Variants in CALR3 observed in about 807,000 individuals in gnomAD.
CALR3 encodes the protein calreticulin-3.
CALR3 carries 39 observed loss-of-function variants against 48.7 expected under a neutral mutation model. The observed-to-expected ratio is 0.80, with a 90% CI of 0.62 to 1.05. CALR3 has a LOEUF of 1.05. CALR3 is among the 50% of genes least tolerant of loss of function. The pLI is 0.00. For missense variants in CALR3, 449 were observed against 474.7 expected, an observed-to-expected ratio of 0.95 and a Z score of 0.50; for synonymous variants, 185 against 172.7, an observed-to-expected ratio of 1.07 and a Z score of -0.56.
At chr19:16,490,018 C>T (rs1329783804) in intron 3 of CALR3, among the ~76,000 whole-genome samples, 1 of 152,076 alleles carries the variant, frequency 6.6e-6, no homozygotes, top group Non-Finnish European at 1.5e-5. Flanking sequence ...GTTGTTCAAC[C>T]AGTAAGGATA....
intron 1 of CALR3, 86 bp downstream of exon 1, chr19:16,495,953 G>A: frequency 1.9e-6 from 3 of 1,559,952 alleles, no homozygotes; most frequent in Non-Finnish European, 2.6e-6. Flanking sequence ...GTTCGCTGCC[G>A]TGGACCCCGT....
chr19:16,495,939 G>A, intron 1 of CALR3, 87 bp from the exon 2 acceptor site: 1 of 1,564,450 alleles, frequency 6.4e-7, no homozygotes, highest in Non-Finnish European at 8.8e-7. Flanking sequence ...TCGAGGATTC[G>A]AGGGTTCGCT....
At position 16,495,864 on chromosome 19, in the gene CALR3, G is replaced by C. The variant is rs2093407274; in HGVS notation, c.92-12C>G. 1.2e-6 allele frequency: 2 copies of C among 1,609,560 alleles called. No individual in the cohort carries two copies. Among genetic ancestry groups the C allele is most frequent in the Non-Finnish European group, 8.5e-7 (1 of 1,175,954 alleles). On this transcript the variant is annotated splice_polypyrimidine_tract_variant and intron_variant, in intron 1 of 8. Transcript: ENST00000269881. Reference sequence around the variant, plus strand: ...GTTTCTCCAATGCTCTGTGGGGAAGGGGAAATAACACCGGTTAGAGGTGAT... The same window carrying C: ...GTTTCTCCAATGCTCTGTGGGGAAGCGGAAATAACACCGGTTAGAGGTGAT...
intron 3 of CALR3, among the ~76,000 whole-genome samples, chr19:16,490,080 G>C (rs2093395427): frequency 6.6e-6 from 1 of 152,054 alleles, no homozygotes; most frequent in South Asian, 2.1e-4. Context: ...AAACACTCTG[G>C]TCCCAAACAT....
At position 16,496,078 on chromosome 19, in the gene CALR3, G is replaced by C; in HGVS notation, c.52C>G (p.Leu18Val). 2.5e-6 allele frequency: 4 copies of C among 1,607,052 alleles called. No homozygotes were observed. Among genetic ancestry groups the C allele is most frequent in the East Asian group, 2.2e-5 (1 of 44,668 alleles). ...TCCTCTTGGAAATAGACGGTAGCCA[G>C]CGCCACTCGCAGCATGCATATGGCC... The part of the protein sequence containing the change: ...LWAICMLRVA[L>V]ATVYFQEEFL... The change falls in exon 1 of 9, where the codon CTG becomes GTG. Residue 18 changes from leucine (L) to valine (V), a missense_variant. By Grantham distance (32) the Leu-to-Val change is conservative (BLOSUM62 1). Transcript: ENST00000269881.
At chr19:16,492,185 G>A (rs1275273636) in intron 2 of CALR3, among the ~76,000 whole-genome samples, 1 of 152,144 alleles carries the variant, frequency 6.6e-6, no homozygotes, top group Non-Finnish European at 1.5e-5. Context: ...GGCCAGGCAT[G>A]GTGGCTCACA....
intron 4 of CALR3, 70 bp downstream of exon 4, chr19:16,485,093 C>G: frequency 1.8e-6 from 2 of 1,083,850 alleles, no homozygotes; most frequent in Admixed American, 3.7e-5. Flanking sequence ...ATTTTATTAT[C>G]AAAACTATTT....
intron 5 of CALR3, 116 bp from the exon 6 acceptor site, chr19:16,482,901 G>T: frequency 2.1e-6 from 2 of 952,174 alleles, no homozygotes; most frequent in South Asian, 1.4e-5. Context: ...CTGGAGTGCG[G>T]TTGTGCAATC....
intron 7 of CALR3, 53 bp from the exon 8 acceptor site, chr19:16,480,759 T>C (rs2093379536): frequency 2.3e-6 from 3 of 1,282,246 alleles, no homozygotes; most frequent in Non-Finnish European, 3.4e-6. Context: ...TTATTATTTG[T>C]TTATTTTTCA....
At chr19:16,485,669 T>C (rs1281173745) in intron 3 of CALR3, among the ~76,000 whole-genome samples, 2 of 151,864 alleles carry the variant, frequency 1.3e-5, no homozygotes. Flanking sequence ...TATTTATTTA[T>C]TTGAGACAGA....
intron 3 of CALR3, among the ~76,000 whole-genome samples, chr19:16,489,634 C>A (rs964468086): frequency 2.7e-5 from 4 of 146,644 alleles, no homozygotes; most frequent in African/African-American, 7.5e-5. Flanking sequence ...AAAAAAAAAA[C>A]CCATCTCTAC....
intron 3 of CALR3, 99 bp downstream of exon 3, chr19:16,490,268 A>C (rs1270587474): frequency 3.3e-5 from 34 of 1,026,572 alleles, no homozygotes; most frequent in Non-Finnish European, 4.7e-5. Flanking sequence ...CAATACTACT[A>C]CCTTCACTAC....
intron 2 of CALR3, among the ~76,000 whole-genome samples, chr19:16,491,309 A>G (rs1408114644): frequency 6.7e-6 from 1 of 149,538 alleles, no homozygotes; most frequent in Non-Finnish European, 1.5e-5. Context: ...TTTTTAGTAG[A>G]GACAGGGTTT....
At position 16,490,518 on chromosome 19, in the gene CALR3, T is replaced by G; in HGVS notation, c.246A>C (p.Lys82Asn). The G allele has an allele frequency of 1.2e-6, 2 of 1,614,154 alleles. No individual in the cohort carries two copies. Among genetic ancestry groups the G allele is most frequent in the Non-Finnish European group, 1.7e-6 (2 of 1,180,030 alleles). ...GAGTTTTCCCTTTATTGCTGAACGG[T>G]TTGAAGCGTGCAGAGATGGCATAGA... ...GRFYAISARF[K>N]PFSNKGKTLV... The change falls in exon 3 of 9, where the codon AAA (lysine) becomes AAC (asparagine). Residue 82 changes from lysine to asparagine, a missense_variant. Physicochemically the swap from Lys to Asn is moderately conservative, Grantham distance 94. Transcript: ENST00000269881.
intron 3 of CALR3, 142 bp downstream of exon 3, chr19:16,490,225 C>T: frequency 2.8e-6 from 2 of 712,870 alleles, no homozygotes; most frequent in Non-Finnish European, 4.9e-6. Flanking sequence ...CCGATACACT[C>T]AATACTACTA....
intron 7 of CALR3, among the ~76,000 whole-genome samples, chr19:16,481,008 A>G (rs922764171): frequency 1.3e-5 from 2 of 151,852 alleles, no homozygotes; most frequent in Non-Finnish European, 2.9e-5. Flanking sequence ...TACAAAAATT[A>G]CCAGGTGTGG....
chr19:16,484,469 G>A (rs532420030), intron 4 of CALR3, among the ~76,000 whole-genome samples: 4 of 150,490 alleles, frequency 2.7e-5, no homozygotes, highest in Admixed American at 2.0e-4. Flanking sequence ...GAGCCACCAC[G>A]CCCGGCCAAC....
At chr19:16,480,822 T>C in intron 7 of CALR3, 116 bp from the exon 8 acceptor site, 3 of 833,758 alleles carry the variant, frequency 3.6e-6, no homozygotes, top group Non-Finnish European at 5.8e-6. Context: ...TTTTATTTTT[T>C]AGAGATGGGG....
At chr19:16,485,449 A>C (rs2093387811) in intron 3 of CALR3, among the ~76,000 whole-genome samples, 192 bp from the exon 4 acceptor site, 1 of 151,050 alleles carries the variant, frequency 6.6e-6, no homozygotes, top group Non-Finnish European at 1.5e-5. Context: ...CCTCCTGAGT[A>C]GCTGGGACTA....
Sources: allele counts gnomAD v4.1 joint callset (sites outside exome capture counted in the v4.1 genomes callset), GRCh38; gene constraint gnomAD v4.1.1; transcripts MANE v1.5; gene names NCBI Gene and HGNC (gene_info 2026-07-23, HGNC 2026-07-21).